Variants in GAB2 observed in about 807,000 individuals in gnomAD.
GAB2 encodes the protein GRB2 associated binding protein 2, also known as GRB2-associated-binding protein 2.
GAB2 carries 26 observed loss-of-function variants against 65.5 expected under a neutral mutation model. The ratio of observed to expected loss-of-function variants is 0.40; its 90% CI spans 0.29 to 0.55. The LOEUF is 0.55. GAB2 is among the 20% of genes least tolerant of loss of function. The pLI is 0.53. For missense variants in GAB2, 884 were observed against 875.8 expected, an observed-to-expected ratio of 1.01 and a Z score of -0.12; for synonymous variants, 321 against 329.6, an observed-to-expected ratio of 0.97 and a Z score of 0.28.
At chr11:78,344,647 TAA>T (rs1856151326) in intron 1 of GAB2, among the ~76,000 whole-genome samples, 1 of 152,188 alleles carries the variant, frequency 6.6e-6, no homozygotes, top group Non-Finnish European at 1.5e-5. Context: ...AAACAAAACC[TAA>T]GATATTTCAT....
At chr11:78,393,207 C>T (rs963007103) in intron 1 of GAB2, among the ~76,000 whole-genome samples, 1 of 152,172 alleles carries the variant, frequency 6.6e-6, no homozygotes, top group African/African-American at 2.4e-5. Context: ...GCAAAGGTCT[C>T]AAAAGGGAGC....
chr11:78,264,812 A>C (rs1196263176), intron 2 of GAB2, among the ~76,000 whole-genome samples: 1 of 152,208 alleles, frequency 6.6e-6, no homozygotes, highest in African/African-American at 2.4e-5. Context: ...CACACATAGC[A>C]AAAAGGTTTT....
At chr11:78,277,870 C>G (rs961000469) in intron 2 of GAB2, among the ~76,000 whole-genome samples, 9 of 152,202 alleles carry the variant, frequency 5.9e-5, no homozygotes, top group African/African-American at 2.2e-4. Flanking sequence ...TGTTCCTGCT[C>G]TAACACTTTT....
At chr11:78,363,561 T>C (rs1856460618) in intron 1 of GAB2, among the ~76,000 whole-genome samples, 1 of 151,678 alleles carries the variant, frequency 6.6e-6, no homozygotes, top group African/African-American at 2.4e-5. Flanking sequence ...CACAACCTAG[T>C]AAAAGATAAA....
intron 1 of GAB2, among the ~76,000 whole-genome samples, chr11:78,285,066 C>T (rs114290389): frequency 2.3e-4 from 35 of 152,152 alleles, no homozygotes; most frequent in African/African-American, 6.8e-4. Context: ...AATCTTAACC[C>T]GGTCACTGCT....
intron 1 of GAB2, among the ~76,000 whole-genome samples, chr11:78,413,325 G>GATAAAAGGGTCAGTCTAGCA: frequency 6.6e-6 from 1 of 152,308 alleles, no homozygotes; most frequent in East Asian, 1.9e-4. Context: ...TTAAGGACTG[G>GATAAAAGGGTCAGTCTAGCA]ATAAAAGGGT....
Position 78,295,886 on chromosome 11 carries a change from CACAA to C in GAB2, c.76-14989_76-14986del, listed in dbSNP as rs1424237159. On this transcript the variant is annotated intron_variant, in intron 1 of 9. Coordinates refer to ENST00000361507, the MANE Select transcript of GAB2 (RefSeq NM_080491.3). ...TGGTAGTTATGGTCTGTAAAGTCAG[CACAA>C]ACACTGTATTAGTTAATATTGAATC... 2.0e-5 allele frequency among the ~76,000 whole-genome samples: 3 copies of C among 152,138 alleles called. No individual in the cohort carries two copies. In the East Asian group the frequency reaches 5.8e-4, roughly 29 times the overall value.
intron 2 of GAB2, among the ~76,000 whole-genome samples, chr11:78,274,552 T>C (rs900029369): frequency 6.6e-6 from 1 of 152,224 alleles, no homozygotes; most frequent in Non-Finnish European, 1.5e-5. Flanking sequence ...AAGTATTTTA[T>C]CCCTATTTTA....
At chr11:78,394,406 G>T (rs1277837088) in intron 1 of GAB2, among the ~76,000 whole-genome samples, 1 of 152,198 alleles carries the variant, frequency 6.6e-6, no homozygotes, top group Non-Finnish European at 1.5e-5. Flanking sequence ...AGATAAGAGG[G>T]GAAATCTTGG....
chr11:78,396,947 C>T (rs1361390714), intron 1 of GAB2, among the ~76,000 whole-genome samples: 1 of 152,114 alleles, frequency 6.6e-6, no homozygotes, highest in Non-Finnish European at 1.5e-5. Context: ...GGTGAAACAG[C>T]CTCACCTTCA....
chr11:78,407,594 T>C (rs1028769713), intron 1 of GAB2, among the ~76,000 whole-genome samples: 3 of 147,090 alleles, frequency 2.0e-5, no homozygotes, highest in Admixed American at 7.0e-5. Flanking sequence ...GATAGTGCCA[T>C]TGCATTCCAG....
chr11:78,415,470 A>G (rs190718709), intron 1 of GAB2, among the ~76,000 whole-genome samples: 44 of 152,332 alleles, frequency 2.9e-4, no homozygotes, highest in Admixed American at 1.1e-3. Context: ...ACCCCAAAAG[A>G]AAAGTAGATG....
At chr11:78,375,272 A>AT (rs913458141) in intron 1 of GAB2, among the ~76,000 whole-genome samples, 3 of 152,180 alleles carry the variant, frequency 2.0e-5, no homozygotes, top group Admixed American at 6.5e-5. Context: ...ATCTTGTGAG[A>AT]TTTTTTAAAA....
At chr11:78,394,242 C>T (rs532734972) in intron 1 of GAB2, among the ~76,000 whole-genome samples, 6 of 152,198 alleles carry the variant, frequency 3.9e-5, no homozygotes, top group East Asian at 3.9e-4. Context: ...TAGCCGAGAT[C>T]GTGCCACTGC....
chr11:78,326,023 A>G (rs1386241377), intron 1 of GAB2, among the ~76,000 whole-genome samples: 1 of 152,180 alleles, frequency 6.6e-6, no homozygotes, highest in Non-Finnish European at 1.5e-5. Flanking sequence ...TGTAGAGACA[A>G]TCATTCTTAT....
intron 1 of GAB2, among the ~76,000 whole-genome samples, chr11:78,342,660 G>A (rs1463638899): frequency 1.3e-5 from 2 of 151,966 alleles, no homozygotes; most frequent in Non-Finnish European, 1.5e-5. Context: ...CGCCGGCCTC[G>A]GCCTCCCAAA....
intron 1 of GAB2, among the ~76,000 whole-genome samples, chr11:78,386,566 C>A (rs2134744759): frequency 6.6e-6 from 1 of 152,200 alleles, no homozygotes; most frequent in East Asian, 1.9e-4. Flanking sequence ...GCTGCAGGGC[C>A]TAAAGGGAGG....
At chr11:78,362,414 G>A (rs1856445865) in intron 1 of GAB2, among the ~76,000 whole-genome samples, 2 of 151,954 alleles carry the variant, frequency 1.3e-5, no homozygotes, top group South Asian at 2.1e-4. Flanking sequence ...TAGTTAGAGT[G>A]TAACTTCCAA....
intron 2 of GAB2, among the ~76,000 whole-genome samples, chr11:78,261,939 A>G (rs1865746388): frequency 6.6e-6 from 1 of 152,212 alleles, no homozygotes; most frequent in Admixed American, 6.5e-5. Context: ...TCCAAAATAC[A>G]TCACTGTATT....
Sources: gnomAD v4.1 joint callset for allele counts (sites outside exome capture counted in the v4.1 genomes callset) on GRCh38, gnomAD v4.1.1 for gene constraint, MANE v1.5 for transcripts, NCBI Gene and HGNC (gene_info 2026-07-23, HGNC 2026-07-21) for gene names.